GCFC2: variants seen among roughly 807,000 people sequenced by gnomAD.
GCFC2 encodes the protein GC-rich sequence DNA-binding factor 2.
GCFC2 carries 102 observed loss-of-function variants against 99.4 expected under a neutral mutation model. The observed-to-expected ratio is 1.03, with a 90% CI of 0.87 to 1.21. GCFC2 has a LOEUF of 1.21. GCFC2 is among the 50% of genes most tolerant of loss of function. The pLI is 0.00. For missense variants in GCFC2, 973 were observed against 920.9 expected, an observed-to-expected ratio of 1.06 and a Z score of -0.73; for synonymous variants, 338 against 316.8, an observed-to-expected ratio of 1.07 and a Z score of -0.71.
intron 2 of GCFC2, among the ~76,000 whole-genome samples, chr2:75,703,716 C>T (rs978478978): frequency 6.6e-6 from 1 of 152,196 alleles, no homozygotes; most frequent in Non-Finnish European, 1.5e-5. Flanking sequence ...ACATCAGAGT[C>T]ACCTGAGAAG....
intron 11 of GCFC2, among the ~76,000 whole-genome samples, chr2:75,686,573 C>T (rs1231459301): frequency 6.6e-6 from 1 of 152,110 alleles, no homozygotes; most frequent in East Asian, 1.9e-4. Context: ...AAGACCCTGT[C>T]TCTAAAAAAA....
chr2:75,670,812 GATCT>G (rs1209966858), intron 14 of GCFC2: 3 of 152,770 alleles, frequency 2.0e-5, no homozygotes, highest in East Asian at 3.9e-4. Context: ...ACTAAATTCA[GATCT>G]TTCTGTGAAT....
chr2:75,670,138 C>G lies in GCFC2; in HGVS notation c.2103G>C (p.Gln701His), dbSNP rs548540488. Reference protein sequence around the residue: ...PGPDVVKKCNQVAACLPEKWF... With the variant: ...PGPDVVKKCNHVAACLPEKWF... ...GAATCAGTCTTCCTTCACAACTTACCTGGTTGCACTTTTTAACCACATCTG... is the reference window on the plus strand; with the variant it reads ...GAATCAGTCTTCCTTCACAACTTACGTGGTTGCACTTTTTAACCACATCTG... Residue 701 changes from glutamine to histidine, a missense_variant and splice_region_variant, in exon 15 of 17, where the codon CAG (glutamine) becomes CAC (histidine). Physicochemically the swap from Gln to His is conservative, Grantham distance 24. Transcript: ENST00000321027. 2.5e-6 allele frequency: 4 copies of G among 1,589,618 alleles called. No homozygotes were observed. Among genetic ancestry groups the G allele is most frequent in the East Asian group, 4.5e-5 (2 of 44,716 alleles).
intron 15 of GCFC2, among the ~76,000 whole-genome samples, chr2:75,668,516 A>G (rs560654626): frequency 6.6e-6 from 1 of 152,266 alleles, no homozygotes; most frequent in East Asian, 1.9e-4. Context: ...ACCCTATTCT[A>G]TCTGGGAACA....
In GCFC2 at chr2:75,673,459, G is replaced by C. The variant is rs745616512; in HGVS notation, c.1874C>G (p.Pro625Arg). 1 of 1,381,870 alleles carries C rather than the reference G, an allele frequency of 7.2e-7. No individual in the cohort carries two copies. The highest frequency in any genetic ancestry group is 1.0e-6 in the Non-Finnish European group (1 of 968,602). 85.6% of individuals were successfully genotyped at this position (1,381,870 alleles called of 1,614,324 possible). A position where few individuals can be genotyped will look rare whatever the true frequency, so the allele number is the denominator to read the frequency against. Residue 625 changes from proline (P) to arginine (R), a missense_variant, in exon 13 of 17, where the codon CCT (proline) becomes CGT (arginine). Coordinates refer to ENST00000321027, the MANE Select transcript of GCFC2 (RefSeq NM_003203.5). ...KKAVEDDVFI[P>R]LYPKSAVENK... ...CAGCGCTTACCTCTTTGGATACAGA[G>C]GAATAAAAACATCATCTTCTACTGC...
Position 75,689,177 on chromosome 2 carries a change from T to C in GCFC2, c.1388A>G (p.Asp463Gly), listed in dbSNP as rs150597064. ...QKKVFEEVQDDFCNIQNILLK... is the reference protein window; with the variant it reads ...QKKVFEEVQDGFCNIQNILLK... The stretch of plus-strand genomic sequence containing the variant: ...CAAAATATTCTGGATGTTACAAAAA[T>C]CATCTTGCACTTCTTCAAAAACTTT... Residue 463 changes from aspartate (D) to glycine (G), a missense_variant, in exon 10 of 17, where the codon GAT becomes GGT. By Grantham distance (94) the Asp-to-Gly change is moderately conservative. Transcript: ENST00000321027. 2.5e-4 allele frequency: 403 copies of C among 1,606,416 alleles called. No individual in the cohort carries two copies. The highest frequency in any genetic ancestry group is 2.5e-4 in the Non-Finnish European group (299 of 1,175,114).
chr2:75,682,667 T>C (rs2104295540), intron 11 of GCFC2, among the ~76,000 whole-genome samples: 1 of 151,988 alleles, frequency 6.6e-6, no homozygotes, highest in East Asian at 1.9e-4. Flanking sequence ...GAGCATGTTC[T>C]AACCCAATGG....
At chr2:75,708,362 C>A (rs1340145704) in intron 1 of GCFC2, among the ~76,000 whole-genome samples, 2 of 152,108 alleles carry the variant, frequency 1.3e-5, no homozygotes, top group Non-Finnish European at 2.9e-5. Context: ...TCTGCAAACT[C>A]AGCTAATGAA....
intron 12 of GCFC2, among the ~76,000 whole-genome samples, chr2:75,676,874 C>A (rs1679366835): frequency 6.6e-6 from 1 of 152,182 alleles, no homozygotes; most frequent in Admixed American, 6.5e-5. Flanking sequence ...ATCCACAAGT[C>A]TTACAGAATT....
chr2:75,708,181 G>A (rs553262534), intron 1 of GCFC2, among the ~76,000 whole-genome samples: 1 of 152,198 alleles, frequency 6.6e-6, no homozygotes, highest in East Asian at 1.9e-4. Context: ...ACATGAGCCC[G>A]GTTGTGCCTA....
intron 7 of GCFC2, 173 bp from the exon 8 acceptor site, chr2:75,690,892 T>A (rs565151401): frequency 5.3e-5 from 27 of 506,632 alleles, no homozygotes; most frequent in Non-Finnish European, 9.0e-5. Context: ...AACTCTTTAT[T>A]GCAATATTAA....
Position 75,664,463 on chromosome 2 carries a change from T to C in GCFC2, c.*203A>G, listed in dbSNP as rs530850640. ...CTCTTAAAGCTCCAGTGCATTTAAT[T>C]CCTTAGAACACCACAGAATCATGGC... On this transcript the variant is annotated 3_prime_UTR_variant, in exon 17 of 17. Coordinates refer to ENST00000321027, the MANE Select transcript of GCFC2 (RefSeq NM_003203.5). The C allele has an allele frequency of 7.5e-5, 25 of 335,260 alleles. No individual in the cohort carries two copies. Among genetic ancestry groups the C allele is most frequent in the Admixed American group, 1.4e-4 (3 of 21,076 alleles). The allele number at this position is 335,260 out of a possible 1,614,324, so 20.8% of individuals were successfully genotyped here.
chr2:75,673,576 A>G, intron 12 of GCFC2, 56 bp from the exon 13 acceptor site: 1 of 762,858 alleles, frequency 1.3e-6, no homozygotes, highest in Non-Finnish European at 2.3e-6. Context: ...GTATTTACCA[A>G]AAAAAAAGTA....
Position 75,663,060 on chromosome 2 carries a change from G to A in GCFC2, c.*1606C>T, listed in dbSNP as rs1031506322. 5 of 152,146 alleles carry A rather than the reference G, an allele frequency of 3.3e-5. No homozygotes were observed. The highest frequency in any genetic ancestry group is 5.9e-5 in the Non-Finnish European group (4 of 68,008). 9.4% of individuals were successfully genotyped at this position (152,146 alleles called of 1,614,324 possible). ...AAATGCTAACTGCTTTTCAACAATAGTTTGCATTTTCTAGATGAGATTCTA... is the reference window on the plus strand; with the variant it reads ...AAATGCTAACTGCTTTTCAACAATAATTTGCATTTTCTAGATGAGATTCTA... On this transcript the variant is annotated 3_prime_UTR_variant, in exon 17 of 17. Coordinates refer to ENST00000321027, the MANE Select transcript of GCFC2 (RefSeq NM_003203.5).
Position 75,687,981 on chromosome 2 carries a change from A to T in GCFC2, c.1540-4T>A. On this transcript the variant is annotated splice_region_variant and splice_polypyrimidine_tract_variant and intron_variant, in intron 10 of 16. Transcript: ENST00000321027. ...CTTTTAAACCTGTGGATTCCAACTT[A>T]CAAAGAAAATTACAAAAGTTATAAA... The T allele has an allele frequency of 6.5e-7, 1 of 1,536,712 alleles. No homozygotes were observed. Among genetic ancestry groups the T allele is most frequent in the Non-Finnish European group, 8.8e-7 (1 of 1,137,648 alleles).
chr2:75,676,581 T>C lies in GCFC2; in HGVS notation c.1813-3061A>G, dbSNP rs73936781. Among the ~76,000 whole-genome samples, 1,042 of 152,240 alleles carry C rather than the reference T, an allele frequency of 6.8e-3. 8 individuals carry two copies. Among genetic ancestry groups the C allele is most frequent in the African/African-American group, 0.018 (767 of 41,526 alleles). ...CCAGGAAGGTCTAATCTGTGGGTATTATCACCAAATATGCCATTCTTACTC... is the reference window on the plus strand; with the variant it reads ...CCAGGAAGGTCTAATCTGTGGGTATCATCACCAAATATGCCATTCTTACTC... On this transcript the variant is annotated intron_variant, in intron 12 of 16. Transcript: ENST00000321027.
In GCFC2 at chr2:75,664,468, A is replaced by G. The variant is rs182869343; in HGVS notation, c.*198T>C. The G allele has an allele frequency of 4.4e-4, 159 of 358,502 alleles. 1 individual carries two copies. Among genetic ancestry groups the G allele is most frequent in the African/African-American group, 3.0e-3 (144 of 47,386 alleles). 22.2% of individuals were successfully genotyped at this position (358,502 alleles called of 1,614,324 possible). ...AAAGCTCCAGTGCATTTAATTCCTT[A>G]GAACACCACAGAATCATGGCAGCTT... On this transcript the variant is annotated 3_prime_UTR_variant, in exon 17 of 17. Transcript: ENST00000321027.
chr2:75,673,590 T>G, intron 12 of GCFC2, 70 bp from the exon 13 acceptor site: 1 of 707,256 alleles, frequency 1.4e-6, no homozygotes, highest in Admixed American at 2.4e-5. Flanking sequence ...AAAAGTAATT[T>G]TAACTGCAGT....
chr2:75,688,062 CCA>C, intron 10 of GCFC2, 85 bp from the exon 11 acceptor site: 1 of 808,296 alleles, frequency 1.2e-6, no homozygotes, highest in Non-Finnish European at 1.9e-6. Context: ...TCAATAATCA[CCA>C]GAGCTTTTCT....
Sources: allele counts gnomAD v4.1 joint callset (sites outside exome capture counted in the v4.1 genomes callset), GRCh38; gene constraint gnomAD v4.1.1; transcripts MANE v1.5; gene names NCBI Gene and HGNC (gene_info 2026-07-23, HGNC 2026-07-21).